The following CYBC1 variants were observed in gnomAD, a reference collection of about 807,000 sequenced individuals.
CYBC1 encodes cytochrome b-245 chaperone 1.
Under a neutral mutation model 21.7 loss-of-function variants are expected in CYBC1, and 22 were observed. That is an observed-to-expected ratio of 1.02 (90% confidence interval 0.73 to 1.45). CYBC1 has a LOEUF of 1.45. Ranked by LOEUF, CYBC1 falls within the 40% of genes most tolerant of loss-of-function variation. The probability of loss-of-function intolerance (pLI) is 0.00; values close to 1 mark genes in which losing one functional copy is unlikely to be tolerated. For missense variants in CYBC1, 237 were observed against 242.1 expected, an observed-to-expected ratio of 0.98 and a Z score of 0.14; for synonymous variants, 112 against 98.7, an observed-to-expected ratio of 1.13 and a Z score of -0.80.
chr17:82,445,668 G>C (rs1039105009), intron 5 of CYBC1, 196 bp downstream of exon 5: 4 of 544,860 alleles, frequency 7.3e-6, no homozygotes, highest in Non-Finnish European at 1.3e-5. Context: ...CTAGGACCCT[G>C]CTGAGCAGGT....
In CYBC1 at chr17:82,443,721, CAGGCAAT is replaced by C; in HGVS notation, c.*276_*282del. 1 of 783,830 alleles carries C rather than the reference CAGGCAAT, an allele frequency of 1.3e-6. No homozygotes were observed. The highest frequency in any genetic ancestry group is 2.3e-6 in the Non-Finnish European group (1 of 435,052). 48.6% of individuals were successfully genotyped at this position (783,830 alleles called of 1,614,324 possible). A position where few individuals can be genotyped will look rare whatever the true frequency, so the allele number is the denominator to read the frequency against. On this transcript the variant is annotated 3_prime_UTR_variant, in exon 7 of 7. Transcript: ENST00000306645. The surrounding 1 kb of genome is among the most constrained non-coding windows in gnomAD (Gnocchi z 6.7). The stretch of plus-strand genomic sequence containing the variant: ...TGCAGTGTGCAAGCAGCAGCATGAG[CAGGCAAT>C]AGGCCAACTCGGCTGGAGGCACCAA...
intron 5 of CYBC1, 74 bp downstream of exon 5, chr17:82,445,790 C>T (rs534487490): frequency 5.5e-5 from 64 of 1,166,690 alleles, no homozygotes; most frequent in African/African-American, 1.1e-4. Flanking sequence ...CTCTAGGCCC[C>T]GTGAGTCACC....
At chr17:82,446,784 G>A (rs2054320286) in intron 3 of CYBC1, 88 bp from the exon 4 acceptor site, 11 of 1,371,326 alleles carry the variant, frequency 8.0e-6, no homozygotes, top group Non-Finnish European at 1.1e-5. Flanking sequence ...CCAGACGCTG[G>A]CCAGAGCCCA....
At chr17:82,448,929 G>T in intron 2 of CYBC1, 1 of 520,240 alleles carries the variant, frequency 1.9e-6, no homozygotes, top group African/African-American at 2.0e-5. Context: ...GGTGACCTCA[G>T]AAAAGCTCAT....
Position 82,446,709 on chromosome 17 carries a change from A to G in CYBC1, c.128-13T>C. On this transcript the variant is annotated splice_polypyrimidine_tract_variant and intron_variant, in intron 3 of 6. Transcript: ENST00000306645. ...CAGCCCAGGCTATCTGGAGATGGGCATAGGGCGCCAGCCTGTGAGCTCCAG... is the reference window on the plus strand; with the variant it reads ...CAGCCCAGGCTATCTGGAGATGGGCGTAGGGCGCCAGCCTGTGAGCTCCAG... The G allele has an allele frequency of 6.2e-7, 1 of 1,613,518 alleles. No homozygotes were observed. Among genetic ancestry groups the G allele is most frequent in the Non-Finnish European group, 8.5e-7 (1 of 1,179,852 alleles).
intron 3 of CYBC1, chr17:82,447,226 G>A (rs1354367661): frequency 3.3e-5 from 12 of 358,642 alleles, no homozygotes; most frequent in East Asian, 1.4e-4. Context: ...AGTGGCGGGC[G>A]CCTGTAGTCC....
Position 82,442,829 on chromosome 17 carries a change from G to C in CYBC1, c.*1175C>G. ...TGGGCCTGCCGCCTAGGGGCTCACA[G>C]GGCCCAGGAGTCCCCAGCTCACAGG... On this transcript the variant is annotated 3_prime_UTR_variant, in exon 7 of 7. Coordinates refer to ENST00000306645, the MANE Select transcript of CYBC1 (RefSeq NM_001033046.4). The surrounding 1 kb of genome is among the most constrained non-coding windows in gnomAD (Gnocchi z 6.8). 6.2e-6 allele frequency: 3 copies of C among 480,990 alleles called. No individual in the cohort carries two copies. Among genetic ancestry groups the C allele is most frequent in the South Asian group, 3.3e-5 (1 of 29,960 alleles). The allele number at this position is 480,990 out of a possible 1,614,324, so 29.8% of individuals were successfully genotyped here. A position where few individuals can be genotyped will look rare whatever the true frequency, so the allele number is the denominator to read the frequency against.
At position 82,444,756 on chromosome 17, in the gene CYBC1, C is replaced by CT. The variant is rs1394805871; in HGVS notation, c.299-166dup. 8 of 880,612 alleles carry CT rather than the reference C, an allele frequency of 9.1e-6. No individual in the cohort carries two copies. In the African/African-American group the frequency reaches 1.3e-4, roughly 15 times the overall value. The allele number at this position is 880,612 out of a possible 1,614,324, so 54.5% of individuals were successfully genotyped here. On this transcript the variant is annotated intron_variant, in intron 5 of 6. Transcript: ENST00000306645. ...TGGGCCCCGGAGGACTGCTGTGGCC[C>CT]TGAAGGCAGTGCAGGGTCCTCTGGG... is the stretch of plus-strand genomic sequence containing the variant.
chr17:82,448,227 C>A, intron 2 of CYBC1: 2 of 187,272 alleles, frequency 1.1e-5, no homozygotes, highest in Non-Finnish European at 2.2e-5. Context: ...TGGTGGGTAG[C>A]GATGGAGGAC....
At chr17:82,448,232 G>A in intron 2 of CYBC1, 1 of 189,192 alleles carries the variant, frequency 5.3e-6, no homozygotes, top group South Asian at 8.3e-5. Flanking sequence ...GGTAGCGATG[G>A]AGGACGGGAG....
In CYBC1 at chr17:82,449,107, C is replaced by T. The variant is rs2054449280; in HGVS notation, c.85+63G>A. 2.4e-6 allele frequency: 3 copies of T among 1,251,588 alleles called. No individual in the cohort carries two copies. The South Asian group carries it at 4.4e-5, about 18-fold the overall frequency. 77.5% of individuals were successfully genotyped at this position (1,251,588 alleles called of 1,614,324 possible). A position where few individuals can be genotyped will look rare whatever the true frequency, so the allele number is the denominator to read the frequency against. On this transcript the variant is annotated intron_variant, in intron 2 of 6. Coordinates refer to ENST00000306645, the MANE Select transcript of CYBC1 (RefSeq NM_001033046.4). ...AAGAGAAAATATTTTGTTTCATTTT[C>T]ATCCTTTTTGAAAGTCAGGCTTCCG...
Position 82,443,148 on chromosome 17 carries a change from C to A in CYBC1, c.*856G>T. 1 of 246,504 alleles carries A rather than the reference C, an allele frequency of 4.1e-6. No homozygotes were observed. The highest frequency in any genetic ancestry group is 8.1e-6 in the Non-Finnish European group (1 of 122,890). 15.3% of individuals were successfully genotyped at this position (246,504 alleles called of 1,614,324 possible). A position where few individuals can be genotyped will look rare whatever the true frequency, so the allele number is the denominator to read the frequency against. On this transcript the variant is annotated 3_prime_UTR_variant, in exon 7 of 7. Coordinates refer to ENST00000306645, the MANE Select transcript of CYBC1 (RefSeq NM_001033046.4). This position sits in a 1 kb window ranked among gnomAD's most constrained non-coding sequence, Gnocchi z 6.7. The stretch of plus-strand genomic sequence containing the variant: ...CTGGTCTTGAACTCCTGGCCTCAAG[C>A]AATCCTCCCACCTCGGCCTCCGAAA...
At position 82,443,162 on chromosome 17, in the gene CYBC1, C is replaced by T. The variant is rs371040576; in HGVS notation, c.*842G>A. ...CTGGCCTCAAGCAATCCTCCCACCT[C>T]GGCCTCCGAAAGTGCTGGGATTACT... On this transcript the variant is annotated 3_prime_UTR_variant, in exon 7 of 7. Transcript: ENST00000306645. This position sits in a 1 kb window ranked among gnomAD's most constrained non-coding sequence, Gnocchi z 6.7. 9.4e-5 allele frequency: 24 copies of T among 255,258 alleles called. No homozygotes were observed. In the East Asian group the frequency reaches 2.1e-3, roughly 23 times the overall value. 15.8% of individuals were successfully genotyped at this position (255,258 alleles called of 1,614,324 possible).
chr17:82,442,842 CCCAGCTCACAGG>C lies in CYBC1; in HGVS notation c.*1150_*1161del, dbSNP rs2054046733. On this transcript the variant is annotated 3_prime_UTR_variant, in exon 7 of 7. Coordinates refer to ENST00000306645, the MANE Select transcript of CYBC1 (RefSeq NM_001033046.4). The surrounding 1 kb of genome is among the most constrained non-coding windows in gnomAD (Gnocchi z 6.8). Reference sequence around the variant, plus strand: ...TAGGGGCTCACAGGGCCCAGGAGTCCCCAGCTCACAGGCCAGGGCATCAGGCCAGGCGCGCTC... The same window carrying C: ...TAGGGGCTCACAGGGCCCAGGAGTCCCCAGGGCATCAGGCCAGGCGCGCTC... 1 of 456,524 alleles carries C rather than the reference CCCAGCTCACAGG, an allele frequency of 2.2e-6. No homozygotes were observed. The highest frequency in any genetic ancestry group is 1.9e-5 in the African/African-American group (1 of 51,544). The allele number at this position is 456,524 out of a possible 1,614,324, so 28.3% of individuals were successfully genotyped here.
intron 4 of CYBC1, 80 bp from the exon 5 acceptor site, chr17:82,446,040 C>G (rs1397613885): frequency 1.8e-6 from 2 of 1,120,402 alleles, no homozygotes; most frequent in African/African-American, 3.1e-5. Flanking sequence ...CCCCCACCCT[C>G]ACCAGGGTGG....
rs184467324 is a variant in CYBC1 at position 82,445,589 on chromosome 17, C to T, written c.298+275G>A. ...TCCTCAGACCCCTGCTCTGCCAGAC[C>T]CCTGCTCCTCAGACCCCTGCTCCTC... On this transcript the variant is annotated intron_variant, in intron 5 of 6. Transcript: ENST00000306645. The T allele has an allele frequency of 7.4e-3, 2,633 of 357,614 alleles. 30 individuals are homozygous for T. The highest frequency in any genetic ancestry group is 0.024 in the African/African-American group (1,077 of 44,478). The allele number at this position is 357,614 out of a possible 1,614,324, so 22.2% of individuals were successfully genotyped here. A position where few individuals can be genotyped will look rare whatever the true frequency, so the allele number is the denominator to read the frequency against.
At chr17:82,447,702 C>T in intron 2 of CYBC1, 81 bp from the exon 3 acceptor site, 1 of 1,281,614 alleles carries the variant, frequency 7.8e-7, no homozygotes, top group Non-Finnish European at 1.1e-6. Context: ...GGAGCCACAG[C>T]CCCTGATGAG....
chr17:82,449,064 T>A (rs1453341649), intron 2 of CYBC1, 106 bp downstream of exon 2: 2 of 916,594 alleles, frequency 2.2e-6, no homozygotes, highest in African/African-American at 3.4e-5. Flanking sequence ...AGCCATTAGA[T>A]TTCAAGGTAA....
rs1360119072 is a variant in CYBC1 at position 82,443,478 on chromosome 17, G to A, written c.*526C>T. On this transcript the variant is annotated 3_prime_UTR_variant, in exon 7 of 7. Transcript: ENST00000306645. The surrounding 1 kb of genome is among the most constrained non-coding windows in gnomAD (Gnocchi z 6.7). ...ACTGCCCTTGGGGAAGCACCTGACCGCTGGGGATGTCCACCAGGGAGAGGA... is the reference window on the plus strand; with the variant it reads ...ACTGCCCTTGGGGAAGCACCTGACCACTGGGGATGTCCACCAGGGAGAGGA... 1.2e-5 allele frequency: 8 copies of A among 683,724 alleles called. No individual in the cohort carries two copies. Among genetic ancestry groups the A allele is most frequent in the East Asian group, 2.8e-5 (1 of 36,148 alleles). 42.4% of individuals were successfully genotyped at this position (683,724 alleles called of 1,614,324 possible). A position where few individuals can be genotyped will look rare whatever the true frequency, so the allele number is the denominator to read the frequency against.
Sources: allele counts gnomAD v4.1 joint callset, GRCh38; gene constraint gnomAD v4.1.1; non-coding constraint Gnocchi (gnomAD v3.1); transcripts MANE v1.5; gene names NCBI Gene and HGNC (gene_info 2026-07-23, HGNC 2026-07-21).